The following HMG20B variants were observed in gnomAD, a reference collection of about 807,000 sequenced individuals.
HMG20B encodes high mobility group 20B, also known as SWI/SNF-related matrix-associated actin-dependent regulator of chromatin subfamily E member 1-related.
A neutral mutation model predicts 41.6 loss-of-function variants in HMG20B; 24 were observed. That is an observed-to-expected ratio of 0.58 (90% CI 0.42 to 0.81). The LOEUF (loss-of-function observed/expected upper bound fraction) is 0.81, where lower values mean the gene tolerates loss of function less well. Ranked by LOEUF, HMG20B falls within the 30% of genes least tolerant of loss-of-function variation. The probability of loss-of-function intolerance (pLI) is 0.00; values close to 1 mark genes in which losing one functional copy is unlikely to be tolerated. For synonymous variants in HMG20B, 251 were observed against 186.6 expected (o/e 1.34, Z -2.81); for missense variants, 461 against 444.0 (o/e 1.04, Z -0.34).
Position 3,578,531 on chromosome 19 carries a change from G to A in HMG20B, c.*10G>A, listed in dbSNP as rs1473388513. The A allele has an allele frequency of 4.5e-6, 7 of 1,571,110 alleles. No homozygotes were observed. In the African/African-American group the frequency reaches 8.1e-5, roughly 18 times the overall value. ...CAGCGAGCACCTGTGAGGAGTGGGCGGGCCCACGATGCAGAGGAGAAGCTG... is the reference window on the plus strand; with the variant it reads ...CAGCGAGCACCTGTGAGGAGTGGGCAGGCCCACGATGCAGAGGAGAAGCTG... On this transcript the variant is annotated 3_prime_UTR_variant, in exon 10 of 10. Transcript: ENST00000333651.
chr19:3,572,968 G>C lies in HMG20B; in HGVS notation c.-45G>C, dbSNP rs1441562359. ...CGGTTGGTTGGAGCGTCGCGCAGTC[G>C]GGAGGTCCGGGAAAGTTTCTTTGGA... On this transcript the variant is annotated 5_prime_UTR_variant, in exon 1 of 10. Transcript: ENST00000333651. The C allele has an allele frequency of 3.6e-6, 1 of 281,222 alleles. No individual in the cohort carries two copies. Among genetic ancestry groups the C allele is most frequent in the Non-Finnish European group, 6.7e-6 (1 of 148,934 alleles). 17.4% of individuals were successfully genotyped at this position (281,222 alleles called of 1,614,324 possible).
intron 5 of HMG20B, 170 bp from the exon 6 acceptor site, chr19:3,576,091 C>A (rs958854022): frequency 2.8e-5 from 18 of 635,730 alleles, no homozygotes; most frequent in Non-Finnish European, 4.7e-5. Flanking sequence ...GGGAAAGATA[C>A]ATAGCCAGAC....
At chr19:3,573,491 C>G in intron 2 of HMG20B, 144 bp downstream of exon 2, 4 of 968,298 alleles carry the variant, frequency 4.1e-6, no homozygotes, top group Non-Finnish European at 4.4e-6. Context: ...CAATTCTGCA[C>G]CCCCCACCTC....
At chr19:3,573,912 C>A in intron 3 of HMG20B, 112 bp downstream of exon 3, 1 of 1,047,036 alleles carries the variant, frequency 9.6e-7, no homozygotes, top group Non-Finnish European at 1.4e-6. Context: ...GCCCATTTTC[C>A]TCTGGAAGCT....
chr19:3,572,958 T>G lies in HMG20B; in HGVS notation c.-55T>G. Reference sequence around the variant, plus strand: ...GGGCTGCGGGCGGTTGGTTGGAGCGTCGCGCAGTCGGGAGGTCCGGGAAAG... The same window carrying G: ...GGGCTGCGGGCGGTTGGTTGGAGCGGCGCGCAGTCGGGAGGTCCGGGAAAG... On this transcript the variant is annotated 5_prime_UTR_variant, in exon 1 of 10. Coordinates refer to ENST00000333651, the MANE Select transcript of HMG20B (RefSeq NM_006339.3). 4.0e-6 allele frequency: 1 copy of G among 250,726 alleles called. No homozygotes were observed. The highest frequency in any genetic ancestry group is 7.7e-6 in the Non-Finnish European group (1 of 130,038). 15.5% of individuals were successfully genotyped at this position (250,726 alleles called of 1,614,324 possible). A position where few individuals can be genotyped will look rare whatever the true frequency, so the allele number is the denominator to read the frequency against.
In HMG20B at chr19:3,578,550, G is replaced by A; in HGVS notation, c.*29G>A. 6.4e-7 allele frequency: 1 copy of A among 1,565,746 alleles called. No homozygotes were observed. The highest frequency in any genetic ancestry group is 8.6e-7 in the Non-Finnish European group (1 of 1,156,486). On this transcript the variant is annotated 3_prime_UTR_variant, in exon 10 of 10. Coordinates refer to ENST00000333651, the MANE Select transcript of HMG20B (RefSeq NM_006339.3). ...GTGGGCGGGCCCACGATGCAGAGGA[G>A]AAGCTGTGGGCGCGGCCCTGCCACA... is the stretch of plus-strand genomic sequence containing the variant.
intron 4 of HMG20B, 129 bp downstream of exon 4, chr19:3,574,715 CTTTTTTT>C (rs142748294): frequency 1.0e-5 from 6 of 585,494 alleles, no homozygotes; most frequent in African/African-American, 2.1e-5. Flanking sequence ...CCATAACCAA[CTTTTTTT>C]TTTTTTTTTT....
chr19:3,573,619 A>T, intron 2 of HMG20B, 73 bp from the exon 3 acceptor site: 2 of 1,351,102 alleles, frequency 1.5e-6, no homozygotes, highest in Non-Finnish European at 9.7e-7. Context: ...CGGGGGTCAA[A>T]ACGCCCTGGG....
chr19:3,577,168 C>A, intron 8 of HMG20B, 61 bp downstream of exon 8: 6 of 1,172,574 alleles, frequency 5.1e-6, no homozygotes, highest in Non-Finnish European at 4.6e-6. Flanking sequence ...CGCCTCCCCC[C>A]CCCTCCTCCC....
chr19:3,576,385 G>C (rs2032162651), intron 6 of HMG20B, 78 bp downstream of exon 6: 1 of 1,496,848 alleles, frequency 6.7e-7, no homozygotes, highest in African/African-American at 1.4e-5. Flanking sequence ...CAGAGCCAGT[G>C]CTCGCCCAGA....
In HMG20B at chr19:3,576,887, C is replaced by G. The variant is rs1408626383; in HGVS notation, c.593-5C>G. On this transcript the variant is annotated splice_region_variant and splice_polypyrimidine_tract_variant and intron_variant, in intron 7 of 9. Coordinates refer to ENST00000333651, the MANE Select transcript of HMG20B (RefSeq NM_006339.3). ...CAGGCTTTGACCCCGCTCCCCCCGG[C>G]GCAGCGCGTGAGGCGGAGCTTCGGC... 1 of 1,564,372 alleles carries G rather than the reference C, an allele frequency of 6.4e-7. No homozygotes were observed. The highest frequency in any genetic ancestry group is 8.6e-7 in the Non-Finnish European group (1 of 1,156,168).
intron 8 of HMG20B, 127 bp downstream of exon 8, chr19:3,577,234 G>C: frequency 1.5e-6 from 1 of 677,546 alleles, no homozygotes; most frequent in Non-Finnish European, 2.3e-6. Flanking sequence ...CTCTTCCCCA[G>C]TCACCCGGCC....
At chr19:3,574,135 C>G in intron 3 of HMG20B, 1 of 619,734 alleles carries the variant, frequency 1.6e-6, no homozygotes. Context: ...CAACCGAAGT[C>G]AACGCCAACC....
chr19:3,577,698 G>A (rs1483593066), intron 8 of HMG20B, among the ~76,000 whole-genome samples: 2 of 45,798 alleles, frequency 4.4e-5, no homozygotes, highest in African/African-American at 8.4e-5. Context: ...CCAGCCCCCC[G>A]GTGTCATCCC....
intron 5 of HMG20B, chr19:3,576,001 T>C: frequency 5.3e-6 from 3 of 568,982 alleles, no homozygotes; most frequent in South Asian, 4.5e-5. Flanking sequence ...GTGCGAGCAG[T>C]TGGGGTCCTG....
intron 4 of HMG20B, among the ~76,000 whole-genome samples, chr19:3,575,200 CT>C (rs1385211213): frequency 2.0e-5 from 3 of 152,214 alleles, no homozygotes; most frequent in African/African-American, 7.2e-5. Context: ...GCCATCACTG[CT>C]TTGCATCCCT....
chr19:3,577,955 G>A (rs757798051), intron 8 of HMG20B, 26 bp from the exon 9 acceptor site: 1 of 1,559,236 alleles, frequency 6.4e-7, no homozygotes, highest in Non-Finnish European at 8.7e-7. Flanking sequence ...CGGCACCCTC[G>A]CCTGACCTTC....
chr19:3,578,171 T>C, intron 9 of HMG20B, 58 bp downstream of exon 9: 2 of 1,584,022 alleles, frequency 1.3e-6, no homozygotes, highest in Admixed American at 1.7e-5. Flanking sequence ...GTGCCCGCCC[T>C]GGGGTTCCCC....
rs1457577091 is a variant in HMG20B, at chr19:3,578,413, G to A, written c.942-96G>A. ...TCCCCCAACCCTGGCATCTGTTGGA[G>A]CAGCTGATGGGCCATGGTCTCTGGG... On this transcript the variant is annotated intron_variant, in intron 9 of 9. Coordinates refer to ENST00000333651, the MANE Select transcript of HMG20B (RefSeq NM_006339.3). 1.2e-5 allele frequency: 17 copies of A among 1,427,406 alleles called. No individual in the cohort carries two copies. The East Asian group carries it at 2.5e-4, about 21-fold the overall frequency. The allele number at this position is 1,427,406 out of a possible 1,614,324, so 88.4% of individuals were successfully genotyped here.
Sources: gnomAD v4.1 joint callset for allele counts (sites outside exome capture counted in the v4.1 genomes callset) on GRCh38, gnomAD v4.1.1 for gene constraint, MANE v1.5 for transcripts, NCBI Gene and HGNC (gene_info 2026-07-23, HGNC 2026-07-21) for gene names.